LRRC71: variants seen among roughly 807,000 people sequenced by gnomAD.
The protein encoded by LRRC71 is leucine-rich repeat-containing protein 71.
A neutral mutation model predicts 66.6 loss-of-function variants in LRRC71; 54 were observed. That is an observed-to-expected ratio of 0.81 (90% CI 0.65 to 1.02). The LOEUF (loss-of-function observed/expected upper bound fraction) is 1.02, where lower values mean the gene tolerates loss of function less well. Ranked by LOEUF, LRRC71 falls within the 50% of genes least tolerant of loss-of-function variation. The pLI, the probability that LRRC71 is intolerant of heterozygous loss-of-function variation, is 0.00. For synonymous variants in LRRC71, 323 were observed against 303.9 expected, an observed-to-expected ratio of 1.06 and a Z score of -0.65; for missense variants, 724 against 718.0, an observed-to-expected ratio of 1.01 and a Z score of -0.10.
chr1:156,932,552 C>T lies in LRRC71; in HGVS notation c.1563+7C>T, dbSNP rs773780652. The T allele has an allele frequency of 1.2e-6, 2 of 1,613,928 alleles. No individual in the cohort carries two copies. The highest frequency in any genetic ancestry group is 1.7e-6 in the Non-Finnish European group (2 of 1,179,870). ...GCTGTGGCTGTCCCTGGCTGTGAGT[C>T]CCTTTCACTCTCTCCTGCTGAAGCA... On this transcript the variant is annotated splice_region_variant and intron_variant, in intron 14 of 14. Transcript: ENST00000337428.
rs1253174298 is a variant in LRRC71 at position 156,924,462 on chromosome 1, C to T, written c.349C>T (p.Leu117=). The change falls in exon 3 of 15, where the codon CTG becomes TTG. Residue 117 remains leucine (L), a synonymous_variant. Transcript: ENST00000337428. ...GTCGGGGTCCTGCAGCCTCAATAGC[C>T]TGGAGAGCAAATACGTGTTCTTCCG... ...RLSGSCSLNS[L]ESKYVFFRPT... 2 of 1,551,232 alleles carry T rather than the reference C, an allele frequency of 1.3e-6. No individual in the cohort carries two copies. The highest frequency in any genetic ancestry group is 4.9e-5 in the East Asian group (2 of 40,930).
chr1:156,922,325 G>A (rs567096398), intron 1 of LRRC71, among the ~76,000 whole-genome samples: 94 of 152,284 alleles, frequency 6.2e-4, no homozygotes, highest in African/African-American at 2.2e-3. Flanking sequence ...CCAGCAGAGA[G>A]GTAGGAGAGA....
At chr1:156,930,250 G>A (rs1357960300) in intron 11 of LRRC71, among the ~76,000 whole-genome samples, 10 of 151,514 alleles carry the variant, frequency 6.6e-5, no homozygotes, top group African/African-American at 2.2e-4. Context: ...GTGCCACCAC[G>A]CCCAGCTAAT....
the LRRC71 span, chr1:156,939,842 G>T: frequency 1.2e-6 from 2 of 1,612,540 alleles, no homozygotes; most frequent in Non-Finnish European, 8.5e-7. Context: ...TCGGGCTCCT[G>T]GGCAGCCTGA....
At chr1:156,940,226 A>G in the LRRC71 span, 3 of 1,593,222 alleles carry the variant, frequency 1.9e-6, no homozygotes, top group Admixed American at 3.4e-5. Flanking sequence ...GAGCGGAGTC[A>G]GCGAGCCCTT....
At chr1:156,924,760 G>T in intron 4 of LRRC71, 42 bp downstream of exon 4, 2 of 1,547,302 alleles carry the variant, frequency 1.3e-6, no homozygotes, top group Non-Finnish European at 1.7e-6. Flanking sequence ...CAGAGTGGGA[G>T]TTGGGGCTCC....
At chr1:156,940,380 A>G in the LRRC71 span, 1 of 1,612,986 alleles carries the variant, frequency 6.2e-7, no homozygotes, top group Non-Finnish European at 8.5e-7. Context: ...AGGGTCCTCT[A>G]GCAGGACCTG....
At chr1:156,929,483 T>TC (rs1653942407) in intron 10 of LRRC71, 54 bp downstream of exon 10, 1 of 1,609,838 alleles carries the variant, frequency 6.2e-7, no homozygotes, top group South Asian at 1.1e-5. Flanking sequence ...GGAGGGGGCT[T>TC]CCATCATGTA....
Position 156,927,858 on chromosome 1 carries a change from G to C in LRRC71, c.906+42G>C. The stretch of plus-strand genomic sequence containing the variant: ...GGTGGGGCAGGGGCGTGGGCGGGCC[G>C]AGGGAGCCGACCCTGACTACCCAGG... On this transcript the variant is annotated intron_variant, in intron 8 of 14. Coordinates refer to ENST00000337428, the MANE Select transcript of LRRC71 (RefSeq NM_144702.3). The C allele has an allele frequency of 1.9e-6, 3 of 1,611,134 alleles. No homozygotes were observed. The South Asian group carries it at 3.3e-5, about 18-fold the overall frequency.
At chr1:156,929,819 GC>G in intron 11 of LRRC71, 90 bp downstream of exon 11, 4 of 1,078,322 alleles carry the variant, frequency 3.7e-6, no homozygotes, top group East Asian at 5.2e-5. Flanking sequence ...GGGCCTGGGT[GC>G]GCCTGCCTGG....
At chr1:156,921,196 CCAGGGGGTGAGGGCAT>C (rs1194039753) in intron 1 of LRRC71, among the ~76,000 whole-genome samples, 1 of 152,000 alleles carries the variant, frequency 6.6e-6, no homozygotes, top group East Asian at 1.9e-4. Context: ...AGAGGAAGGC[CCAGGGGGTGAGGGCAT>C]CAGGGGTGTT....
the LRRC71 span, chr1:156,938,570 A>C: frequency 3.9e-6 from 6 of 1,550,862 alleles, no homozygotes; most frequent in African/African-American, 4.1e-5. Flanking sequence ...AGGAAAGGGA[A>C]GGGAGAGAGA....
rs201831327 is a variant in LRRC71, at chr1:156,928,021, C to A, written c.996+17C>A. 9.5e-6 allele frequency: 15 copies of A among 1,576,790 alleles called. No homozygotes were observed. Among genetic ancestry groups the A allele is most frequent in the Non-Finnish European group, 1.3e-5 (15 of 1,162,558 alleles). ...TCGCGATCGGTGAGGAGCTACCAGG[C>A]CCCAGGACCAGCCGAGAGCCCCTCT... On this transcript the variant is annotated intron_variant, in intron 9 of 14. Transcript: ENST00000337428.
chr1:156,929,183 C>T lies in LRRC71; in HGVS notation c.997-97C>T, dbSNP rs111579470. ...GGTGGGTGGGAGGGTGCTGTCAGCTCGACTGCTCCCCAAGTATGGGTATAG... is the reference window on the plus strand; with the variant it reads ...GGTGGGTGGGAGGGTGCTGTCAGCTTGACTGCTCCCCAAGTATGGGTATAG... On this transcript the variant is annotated intron_variant, in intron 9 of 14. Transcript: ENST00000337428. The T allele has an allele frequency of 3.0e-4, 435 of 1,426,844 alleles. 2 individuals carry two copies. The African/African-American group carries it at 4.4e-3, about 14-fold the overall frequency. 88.4% of individuals were successfully genotyped at this position (1,426,844 alleles called of 1,614,324 possible). A position where few individuals can be genotyped will look rare whatever the true frequency, so the allele number is the denominator to read the frequency against.
chr1:156,932,795 TGCCAGAGGA>T, intron 14 of LRRC71, 49 bp from the exon 15 acceptor site: 1 of 1,358,382 alleles, frequency 7.4e-7, no homozygotes, highest in Admixed American at 2.1e-5. Flanking sequence ...TTTTTTTTTC[TGCCAGAGGA>T]CTAATCTTCA....
At position 156,929,694 on chromosome 1, in the gene LRRC71, C is replaced by CA. The variant is rs1167529255; in HGVS notation, c.1205_1206insA (p.Lys403Ter). Reference sequence around the variant, plus strand: ...GGGCAGTCACCCACACAAGGAACCCCTAAGAAGGAAGATGCCACAAAGGCA... The same window carrying CA: ...GGGCAGTCACCCACACAAGGAACCCCATAAGAAGGAAGATGCCACAAAGGCA... On this transcript the variant is annotated frameshift_variant, in exon 11 of 15. Transcript: ENST00000337428. LOFTEE classifies it high-confidence loss of function. The CA allele has an allele frequency of 1.5e-5, 23 of 1,579,448 alleles. No homozygotes were observed. The highest frequency in any genetic ancestry group is 1.6e-5 in the Non-Finnish European group (19 of 1,162,834).
At chr1:156,924,772 G>A in intron 4 of LRRC71, 54 bp downstream of exon 4, 2 of 1,542,968 alleles carry the variant, frequency 1.3e-6, no homozygotes, top group Non-Finnish European at 1.8e-6. Context: ...TGGGGCTCCT[G>A]GTGGCTTGGG....
chr1:156,937,121 G>A, downstream of LRRC71: 1 of 1,566,134 alleles, frequency 6.4e-7, no homozygotes, highest in Admixed American at 1.8e-5. Context: ...GGCTGGGCGG[G>A]CTGGGGGAAG....
downstream of LRRC71, among the ~76,000 whole-genome samples, chr1:156,933,784 C>T (rs954315836): frequency 1.3e-5 from 2 of 152,198 alleles, no homozygotes; most frequent in Non-Finnish European, 2.9e-5. Context: ...ACAGCAGTGT[C>T]CAAGATGGCG....
Sources: gnomAD v4.1 joint callset for allele counts (sites outside exome capture counted in the v4.1 genomes callset) on GRCh38, gnomAD v4.1.1 for gene constraint, MANE v1.5 for transcripts, NCBI Gene and HGNC (gene_info 2026-07-23, HGNC 2026-07-21) for gene names.